CHRM3: variants seen among roughly 807,000 people sequenced by gnomAD.
The protein encoded by CHRM3 is muscarinic acetylcholine receptor M3.
Under a neutral mutation model 41.8 loss-of-function variants are expected in CHRM3, and 11 were observed. That is an observed-to-expected ratio of 0.26 (90% confidence interval 0.17 to 0.44). The LOEUF is 0.44. Among genes scored for constraint, CHRM3 ranks in the 20% least tolerant of loss-of-function variants. The pLI is 1.00. For synonymous variants in CHRM3, 297 were observed against 301.4 expected (o/e 0.99, Z 0.15); for missense variants, 571 against 745.4 (o/e 0.77, Z 2.72).
chr1:239,449,274 A>G (rs775492630), intron 1 of CHRM3, among the ~76,000 whole-genome samples: 3 of 152,224 alleles, frequency 2.0e-5, no homozygotes, highest in Non-Finnish European at 2.9e-5. Context: ...CATTATTACT[A>G]TAATTTTAGC....
chr1:239,658,145 A>G (rs182794510), intron 4 of CHRM3, among the ~76,000 whole-genome samples: 136 of 152,318 alleles, frequency 8.9e-4, no homozygotes, highest in African/African-American at 3.2e-3. Flanking sequence ...GAGACTGGCT[A>G]TTGAGATCTA....
chr1:239,799,959 GTTATTA>G (rs1045516120), intron 5 of CHRM3, among the ~76,000 whole-genome samples: 1 of 152,080 alleles, frequency 6.6e-6, no homozygotes, highest in Non-Finnish European at 1.5e-5. Flanking sequence ...GACACTGTTT[GTTATTA>G]TTCTATTAAA....
rs746056644 is a variant in CHRM3, at chr1:239,712,616, G to A, written c.-147+34328G>A. ...TTTAAAAGAATTTAAGCATAATGCC[G>A]CATTTCCTCGAATACTTGCATTGCA... On this transcript the variant is annotated intron_variant, in intron 5 of 6. Coordinates refer to ENST00000676153, the MANE Select transcript of CHRM3 (RefSeq NM_001375978.1). 1.1e-4 allele frequency among the ~76,000 whole-genome samples: 17 copies of A among 152,162 alleles called. No individual in the cohort carries two copies. In the South Asian group the frequency reaches 1.9e-3, roughly 17 times the overall value.
chr1:239,715,432 T>G lies in CHRM3; in HGVS notation c.-147+37144T>G, dbSNP rs898299752. Among the ~76,000 whole-genome samples, 50 of 152,114 alleles carry G rather than the reference T, an allele frequency of 3.3e-4. 1 individual carries two copies. Among genetic ancestry groups the G allele is most frequent in the Admixed American group, 3.1e-3 (48 of 15,262 alleles). ...AAATAAAAGCTCTAATTTGTAGCTA[T>G]TACAGATGACCATGGCGTAAATACC... On this transcript the variant is annotated intron_variant, in intron 5 of 6. Coordinates refer to ENST00000676153, the MANE Select transcript of CHRM3 (RefSeq NM_001375978.1).
chr1:239,645,456 C>T (rs1004377543), intron 4 of CHRM3, among the ~76,000 whole-genome samples: 37 of 152,168 alleles, frequency 2.4e-4, no homozygotes, highest in East Asian at 9.7e-4. Flanking sequence ...CAAATGAAAA[C>T]GATGCATTTT....
intron 3 of CHRM3, among the ~76,000 whole-genome samples, chr1:239,552,540 C>A (rs1267832820): frequency 6.8e-6 from 1 of 147,378 alleles, no homozygotes; most frequent in East Asian, 2.0e-4. Context: ...AAGCTCACTG[C>A]AGCCTCAACC....
chr1:239,769,842 C>T (rs965747269), intron 5 of CHRM3, among the ~76,000 whole-genome samples: 3 of 151,824 alleles, frequency 2.0e-5, no homozygotes, highest in Non-Finnish European at 4.4e-5. Flanking sequence ...GATTGCACCA[C>T]TGCACTCCAG....
chr1:239,890,599 G>A (rs985869299), intron 6 of CHRM3, among the ~76,000 whole-genome samples: 2 of 152,034 alleles, frequency 1.3e-5, no homozygotes, highest in Non-Finnish European at 2.9e-5. Flanking sequence ...CTCAAAATAT[G>A]GTGGGCAGTA....
chr1:239,689,785 G>C (rs770751860), intron 5 of CHRM3, among the ~76,000 whole-genome samples: 1 of 152,182 alleles, frequency 6.6e-6, no homozygotes, highest in Non-Finnish European at 1.5e-5. Context: ...TAAAGTACTA[G>C]GATACACATG....
intron 4 of CHRM3, among the ~76,000 whole-genome samples, chr1:239,642,162 T>A (rs952056541): frequency 3.5e-4 from 48 of 138,758 alleles, no homozygotes; most frequent in African/African-American, 1.2e-3. Flanking sequence ...CTTCCCTTTG[T>A]GGGTAACCCG....
At chr1:239,713,152 T>G (rs967979982) in intron 5 of CHRM3, among the ~76,000 whole-genome samples, 6 of 152,130 alleles carry the variant, frequency 3.9e-5, no homozygotes, top group African/African-American at 1.4e-4. Context: ...TAAAGTACAT[T>G]AAGTACATTA....
chr1:239,509,360 A>G (rs931600700), intron 2 of CHRM3, among the ~76,000 whole-genome samples: 3 of 152,202 alleles, frequency 2.0e-5, no homozygotes, highest in Admixed American at 6.5e-5. Context: ...ATCAATGAGA[A>G]TAACCAATAA....
chr1:239,699,688 T>C (rs1459401730), intron 5 of CHRM3, among the ~76,000 whole-genome samples: 1 of 152,210 alleles, frequency 6.6e-6, no homozygotes, highest in African/African-American at 2.4e-5. Flanking sequence ...CATAAAGTAT[T>C]TTTGTGTATT....
intron 5 of CHRM3, among the ~76,000 whole-genome samples, chr1:239,776,030 C>T (rs977302083): frequency 2.6e-5 from 4 of 152,156 alleles, no homozygotes; most frequent in African/African-American, 9.7e-5. Flanking sequence ...AATTTGATGG[C>T]TTTTATGCAT....
At chr1:239,764,489 G>A (rs974130402) in intron 5 of CHRM3, among the ~76,000 whole-genome samples, 1 of 152,156 alleles carries the variant, frequency 6.6e-6, no homozygotes, top group South Asian at 2.1e-4. Context: ...GCTGCTCTGA[G>A]TGTGTGTATT....
At chr1:239,735,932 G>T (rs985242228) in intron 5 of CHRM3, among the ~76,000 whole-genome samples, 1 of 152,062 alleles carries the variant, frequency 6.6e-6, no homozygotes, top group Non-Finnish European at 1.5e-5. Context: ...CATCAATAAG[G>T]AATCCTTCTG....
At chr1:239,528,131 A>C (rs911964861) in intron 2 of CHRM3, among the ~76,000 whole-genome samples, 10 of 152,196 alleles carry the variant, frequency 6.6e-5, no homozygotes, top group African/African-American at 2.4e-4. Context: ...AAAGGGAGTA[A>C]AACACTTGCA....
At chr1:239,480,488 G>T (rs927054788) in intron 1 of CHRM3, among the ~76,000 whole-genome samples, 2 of 151,232 alleles carry the variant, frequency 1.3e-5, no homozygotes, top group Non-Finnish European at 2.9e-5. Flanking sequence ...TGTGTGGCAG[G>T]TAATGCGAAA....
At chr1:239,683,284 C>T (rs757152508) in intron 5 of CHRM3, among the ~76,000 whole-genome samples, 3 of 151,910 alleles carry the variant, frequency 2.0e-5, no homozygotes, top group East Asian at 1.9e-4. Context: ...TGAAATTATA[C>T]CAAATCTAGG....
Sources: allele counts gnomAD v4.1 joint callset (sites outside exome capture counted in the v4.1 genomes callset), GRCh38; gene constraint gnomAD v4.1.1; transcripts MANE v1.5; gene names NCBI Gene and HGNC (gene_info 2026-07-23, HGNC 2026-07-21).